FAT4: variants seen among roughly 807,000 people sequenced by gnomAD.
The protein encoded by FAT4 is protocadherin Fat 4.
A neutral mutation model predicts 303.9 loss-of-function variants in FAT4; 84 were observed. That is an observed-to-expected ratio of 0.28 (90% CI 0.23 to 0.33). The LOEUF is 0.33. FAT4 is among the 10% of genes least tolerant of loss of function. The probability of loss-of-function intolerance (pLI) is 1.00; values close to 1 mark genes in which losing one functional copy is unlikely to be tolerated. For synonymous variants in FAT4, 2,307 were observed against 2,298.8 expected (o/e 1.00, Z -0.10); for missense variants, 6,005 against 6,146.8 (o/e 0.98, Z 0.77).
chr4:125,416,040 A>G (rs1280948204), intron 6 of FAT4, among the ~76,000 whole-genome samples: 1 of 152,196 alleles, frequency 6.6e-6, no homozygotes, highest in Non-Finnish European at 1.5e-5. Context: ...TCTTTTGTGT[A>G]TACTCATGTT....
intron 3 of FAT4, among the ~76,000 whole-genome samples, chr4:125,406,534 A>C (rs921624917): frequency 1.3e-5 from 2 of 152,204 alleles, no homozygotes; most frequent in Non-Finnish European, 2.9e-5. Flanking sequence ...TGTATAAAAA[A>C]TGCTGTTAGG....
intron 17 of FAT4, among the ~76,000 whole-genome samples, chr4:125,489,603 G>T (rs1727533426): frequency 6.6e-6 from 1 of 152,062 alleles, no homozygotes; most frequent in African/African-American, 2.4e-5. Flanking sequence ...AAATAAATGA[G>T]TAAGAAAAAG....
intron 7 of FAT4, among the ~76,000 whole-genome samples, chr4:125,423,290 G>A (rs1724970928): frequency 6.6e-6 from 1 of 152,182 alleles, no homozygotes; most frequent in Admixed American, 6.5e-5. Flanking sequence ...AGGCCTGGAA[G>A]TCCAGGAGGA....
rs183143300 is a variant in FAT4, at chr4:125,485,779, T to C, written c.12823-1566T>C. 1.2e-4 allele frequency among the ~76,000 whole-genome samples: 19 copies of C among 152,300 alleles called. No homozygotes were observed. The East Asian group carries it at 3.3e-3, about 26-fold the overall frequency. ...GATATACTTTTATACAACTGGCAGC[T>C]CAGTAGGCTTGCTTACACCTGTATC... On this transcript the variant is annotated intron_variant, in intron 16 of 17. Coordinates refer to ENST00000394329, the MANE Select transcript of FAT4 (RefSeq NM_001291303.3).
At position 125,452,192 on chromosome 4, in the gene FAT4, T is replaced by G; in HGVS notation, c.11182T>G (p.Leu3728Val). Reference sequence around the variant, plus strand: ...CGGCGTACCAACAGTAAAGGACTTCTTGACCAACCACTATCTTCATTTTTT... The same window carrying G: ...CGGCGTACCAACAGTAAAGGACTTCGTGACCAACCACTATCTTCATTTTTT... ...RLGVPTVKDFLTNHYLHFLRI... is the reference protein window; with the variant it reads ...RLGVPTVKDFVTNHYLHFLRI... Residue 3728 changes from leucine to valine, a missense_variant, in exon 10 of 18, where the codon TTG becomes GTG. Physicochemically the swap from Leu to Val is conservative, Grantham distance 32 (BLOSUM62 1). Coordinates refer to ENST00000394329, the MANE Select transcript of FAT4 (RefSeq NM_001291303.3). 6.2e-7 allele frequency: 1 copy of G among 1,614,254 alleles called. No homozygotes were observed. The highest frequency in any genetic ancestry group is 2.2e-5 in the East Asian group (1 of 44,884).
chr4:125,491,100 G>C lies in FAT4; in HGVS notation c.14284G>C (p.Ala4762Pro). 1 of 1,614,194 alleles carries C rather than the reference G, an allele frequency of 6.2e-7. No homozygotes were observed. Among genetic ancestry groups the C allele is most frequent in the African/African-American group, 1.3e-5 (1 of 75,056 alleles). The change falls in exon 18 of 18, where the codon GCA becomes CCA. Residue 4762 changes from alanine (A) to proline (P), a missense_variant. Physicochemically the swap from Ala to Pro is conservative, Grantham distance 27 (BLOSUM62 -1). Coordinates refer to ENST00000394329, the MANE Select transcript of FAT4 (RefSeq NM_001291303.3). Reference sequence around the variant, plus strand: ...GAGAAGCAAGAGTCCTCAGGCCATGGCATCACATGGTTCTAGACCAGGGAG... The same window carrying C: ...GAGAAGCAAGAGTCCTCAGGCCATGCCATCACATGGTTCTAGACCAGGGAG... Reference protein sequence around the residue: ...GRRSKSPQAMASHGSRPGSRL... With the variant: ...GRRSKSPQAMPSHGSRPGSRL...
chr4:125,408,371 C>A (rs10518464), intron 4 of FAT4, 73 bp from the exon 5 acceptor site: 1 of 958,494 alleles, frequency 1.0e-6, no homozygotes, highest in South Asian at 1.8e-5. Context: ...ATTTTTTGGT[C>A]TCTTTCTATA....
intron 2 of FAT4, among the ~76,000 whole-genome samples, chr4:125,345,970 C>CT (rs910874504): frequency 3.7e-4 from 56 of 151,132 alleles, no homozygotes; most frequent in Non-Finnish European, 4.9e-4. Context: ...TCCTCCCCCT[C>CT]TTTTTTTTTA....
At chr4:125,335,291 A>G (rs1731527576) in intron 2 of FAT4, among the ~76,000 whole-genome samples, 2 of 152,160 alleles carry the variant, frequency 1.3e-5, no homozygotes, top group Non-Finnish European at 1.5e-5. Flanking sequence ...GAGAAAATAT[A>G]CTAATAGAAT....
At chr4:125,487,217 A>T in intron 16 of FAT4, 128 bp from the exon 17 acceptor site, 1 of 755,968 alleles carries the variant, frequency 1.3e-6, no homozygotes. Flanking sequence ...GTATATTCTA[A>T]TACAACCAGA....
At chr4:125,453,280 G>T (rs1419604610) in intron 10 of FAT4, among the ~76,000 whole-genome samples, 1 of 152,140 alleles carries the variant, frequency 6.6e-6, no homozygotes, top group African/African-American at 2.4e-5. Context: ...TTAAATAATT[G>T]TTAACAATGA....
chr4:125,378,193 C>T (rs1733407751), intron 2 of FAT4, among the ~76,000 whole-genome samples: 1 of 152,042 alleles, frequency 6.6e-6, no homozygotes, highest in Admixed American at 6.6e-5. Flanking sequence ...GGTTAGTCTT[C>T]TAAAATCTAA....
rs2663284 is a variant in FAT4, at chr4:125,339,353, G to A, written c.5175+17767G>A. Among the ~76,000 whole-genome samples, 1,028 of 151,826 alleles carry A rather than the reference G, an allele frequency of 6.8e-3. 12 individuals are homozygous for A. Among genetic ancestry groups the A allele is most frequent in the African/African-American group, 0.023 (971 of 41,404 alleles). On this transcript the variant is annotated intron_variant, in intron 2 of 17. Coordinates refer to ENST00000394329, the MANE Select transcript of FAT4 (RefSeq NM_001291303.3). ...TGGGATTACAGGCTCATGCCACCAC[G>A]CCTGGCTAATTTTTTTGTATTTTTA...
chr4:125,422,904 G>T (rs1202745927), intron 7 of FAT4, among the ~76,000 whole-genome samples: 1 of 152,180 alleles, frequency 6.6e-6, no homozygotes, highest in East Asian at 1.9e-4. Context: ...AGTCCAGGCT[G>T]AGGTGGTCAC....
At chr4:125,474,021 G>T (rs1349225188) in intron 12 of FAT4, among the ~76,000 whole-genome samples, 1 of 151,822 alleles carries the variant, frequency 6.6e-6, no homozygotes, top group East Asian at 1.9e-4. Flanking sequence ...TTGCATAGTT[G>T]GGATAAAACA....
At chr4:125,386,986 G>A (rs921163356) in intron 2 of FAT4, among the ~76,000 whole-genome samples, 47 of 152,046 alleles carry the variant, frequency 3.1e-4, no homozygotes, top group African/African-American at 5.8e-4. Context: ...CATAAAGAGC[G>A]TGCAACCTAG....
chr4:125,410,060 G>T (rs967187837), intron 5 of FAT4, among the ~76,000 whole-genome samples: 10 of 152,016 alleles, frequency 6.6e-5, no homozygotes, highest in African/African-American at 2.4e-4. Context: ...TCTATAAATG[G>T]CACTTGGAAC....
At chr4:125,396,004 A>T (rs1233898589) in intron 2 of FAT4, among the ~76,000 whole-genome samples, 1 of 152,210 alleles carries the variant, frequency 6.6e-6, no homozygotes, top group East Asian at 1.9e-4. Flanking sequence ...GTTAGTTCTT[A>T]TGTAAGTGAT....
intron 5 of FAT4, among the ~76,000 whole-genome samples, chr4:125,411,502 C>T (rs1416827394): frequency 6.6e-6 from 1 of 151,750 alleles, no homozygotes; most frequent in African/African-American, 2.4e-5. Flanking sequence ...GTGTACAATA[C>T]AGACCATTGA....
Sources: allele counts gnomAD v4.1 joint callset (sites outside exome capture counted in the v4.1 genomes callset), GRCh38; gene constraint gnomAD v4.1.1; transcripts MANE v1.5; gene names NCBI Gene and HGNC (gene_info 2026-07-23, HGNC 2026-07-21).